Variants in CTNND2 observed in about 807,000 individuals in gnomAD.
The protein encoded by CTNND2 is catenin delta 2.
CTNND2 carries 22 observed loss-of-function variants against 144.4 expected under a neutral mutation model. The observed-to-expected ratio is 0.15, with a 90% CI of 0.11 to 0.22. The LOEUF (loss-of-function observed/expected upper bound fraction) is 0.22, where lower values mean the gene tolerates loss of function less well. Among genes scored for constraint, CTNND2 ranks in the 10% least tolerant of loss-of-function variants. The probability of loss-of-function intolerance (pLI) is 1.00; values close to 1 mark genes in which losing one functional copy is unlikely to be tolerated. For missense variants in CTNND2, 1,353 were observed against 1,618.8 expected (o/e 0.84, Z 2.82); for synonymous variants, 751 against 695.6 (o/e 1.08, Z -1.25).
At chr5:11,862,294 T>C (rs2127028167) in intron 1 of CTNND2, among the ~76,000 whole-genome samples, 1 of 152,332 alleles carries the variant, frequency 6.6e-6, no homozygotes, top group African/African-American at 2.4e-5. Context: ...ATAGAAATTT[T>C]CCATTAAAAT....
chr5:11,869,323 G>C (rs577473050), intron 1 of CTNND2, among the ~76,000 whole-genome samples: 1 of 152,178 alleles, frequency 6.6e-6, no homozygotes, highest in Non-Finnish European at 1.5e-5. Flanking sequence ...AAAGCAACTC[G>C]AATGTCAATT....
intron 21 of CTNND2, among the ~76,000 whole-genome samples, chr5:10,975,343 T>C (rs566924919): frequency 1.3e-5 from 2 of 152,176 alleles, no homozygotes; most frequent in South Asian, 4.1e-4. Flanking sequence ...GGGCACCCTA[T>C]TCAACATTTA....
intron 3 of CTNND2, among the ~76,000 whole-genome samples, chr5:11,477,572 T>C (rs997750573): frequency 6.6e-6 from 1 of 152,006 alleles, no homozygotes; most frequent in Non-Finnish European, 1.5e-5. Context: ...CCACAACACC[T>C]GGCTAATTTT....
chr5:11,177,668 T>A (rs1333175079), intron 11 of CTNND2, among the ~76,000 whole-genome samples: 1 of 152,152 alleles, frequency 6.6e-6, no homozygotes, highest in African/African-American at 2.4e-5. Context: ...GATAATTAGA[T>A]CTACAAAATG....
intron 1 of CTNND2, among the ~76,000 whole-genome samples, chr5:11,843,198 A>G (rs982000928): frequency 7.9e-5 from 12 of 152,362 alleles, no homozygotes; most frequent in African/African-American, 2.9e-4. Context: ...AAAATAAAAC[A>G]AGAAAACCAA....
intron 2 of CTNND2, among the ~76,000 whole-genome samples, chr5:11,584,095 C>T (rs184447922): frequency 5.9e-5 from 9 of 152,296 alleles, no homozygotes; most frequent in Admixed American, 5.2e-4. Flanking sequence ...TATAGTATCT[C>T]TTGAAGAGAT....
intron 9 of CTNND2, among the ~76,000 whole-genome samples, chr5:11,268,063 A>G (rs1043871201): frequency 1.1e-4 from 17 of 152,240 alleles, no homozygotes; most frequent in Admixed American, 8.5e-4. Context: ...GATTCTACCA[A>G]TGGTTGAAGA....
At chr5:11,124,286 C>G (rs56387580) in intron 12 of CTNND2, among the ~76,000 whole-genome samples, 1 of 151,914 alleles carries the variant, frequency 6.6e-6, no homozygotes, top group Non-Finnish European at 1.5e-5. Flanking sequence ...ATTAATTACA[C>G]GTAAAAATGC....
intron 9 of CTNND2, among the ~76,000 whole-genome samples, chr5:11,290,304 A>T (rs1748194197): frequency 6.6e-6 from 1 of 152,214 alleles, no homozygotes; most frequent in Non-Finnish European, 1.5e-5. Context: ...GTTTTTAATT[A>T]TGCTTATAAC....
chr5:11,741,497 T>C (rs1788004934), intron 1 of CTNND2, among the ~76,000 whole-genome samples: 2 of 151,696 alleles, frequency 1.3e-5, no homozygotes, highest in African/African-American at 4.8e-5. Flanking sequence ...ATGTTCTCAC[T>C]CACAGGTGGG....
chr5:11,101,884 C>CGTGTGTGTGTGTGT (rs1561304077), intron 14 of CTNND2, among the ~76,000 whole-genome samples: 13 of 88,590 alleles, frequency 1.5e-4, no homozygotes, highest in African/African-American at 6.5e-4. Context: ...ATGACGACCA[C>CGTGTGTGTGTGTGT]ATATGTGTGT....
chr5:11,430,717 C>T lies in CTNND2; in HGVS notation c.288-18648G>A, dbSNP rs114374846. Among the ~76,000 whole-genome samples, 1,248 of 152,282 alleles carry T rather than the reference C, an allele frequency of 8.2e-3. 10 individuals are homozygous for T. Among genetic ancestry groups the T allele is most frequent in the Admixed American group, 0.013 (193 of 15,306 alleles). On this transcript the variant is annotated intron_variant, in intron 3 of 21. Coordinates refer to ENST00000304623, the MANE Select transcript of CTNND2 (RefSeq NM_001332.4). ...CGTGTATACACATTCACATCACCAC[C>T]ACCAACATTATTCCTTTTGCCTTAC...
chr5:10,973,749 G>A lies in CTNND2; in HGVS notation c.3418-36C>T, dbSNP rs1259510704. 1.3e-6 allele frequency: 2 copies of A among 1,550,208 alleles called. No homozygotes were observed. The highest frequency in any genetic ancestry group is 8.7e-7 in the Non-Finnish European group (1 of 1,149,432). ...AAGAAGAGCCACACTGGGTTACTTG[G>A]TTTCCCTTGACTCAGCCTGCCTCTT... On this transcript the variant is annotated intron_variant, in intron 21 of 21. Transcript: ENST00000304623. The surrounding 1 kb of genome is among the most constrained non-coding windows in gnomAD (Gnocchi z 5.6).
intron 5 of CTNND2, among the ~76,000 whole-genome samples, chr5:11,407,057 T>C (rs191274618): frequency 6.6e-6 from 1 of 152,348 alleles, no homozygotes; most frequent in East Asian, 1.9e-4. Context: ...GACAACATTT[T>C]TGTGAATCAC....
chr5:11,019,984 C>T (rs1301782335), intron 17 of CTNND2, among the ~76,000 whole-genome samples: 1 of 152,128 alleles, frequency 6.6e-6, no homozygotes, highest in Non-Finnish European at 1.5e-5. Context: ...TATAAGACTA[C>T]TATAAGAGTT....
intron 9 of CTNND2, among the ~76,000 whole-genome samples, chr5:11,308,239 A>T (rs1750456838): frequency 6.9e-6 from 1 of 144,310 alleles, no homozygotes; most frequent in South Asian, 2.1e-4. Context: ...TTTTTTTTTT[A>T]AAGCAAGCTA....
intron 9 of CTNND2, among the ~76,000 whole-genome samples, chr5:11,238,844 T>C (rs1005442926): frequency 6.6e-6 from 1 of 152,218 alleles, no homozygotes; most frequent in African/African-American, 2.4e-5. Context: ...GAACAAACTA[T>C]TGAATCCTTC....
intron 3 of CTNND2, among the ~76,000 whole-genome samples, chr5:11,525,048 A>G (rs1773108103): frequency 6.6e-6 from 1 of 152,234 alleles, no homozygotes; most frequent in Non-Finnish European, 1.5e-5. Flanking sequence ...CTGTCTGAAG[A>G]AGCCGAAAGT....
At chr5:11,637,980 G>A (rs919749658) in intron 2 of CTNND2, among the ~76,000 whole-genome samples, 8 of 152,034 alleles carry the variant, frequency 5.3e-5, no homozygotes, top group African/African-American at 1.2e-4. Flanking sequence ...GTAAAGAACC[G>A]GTCTCTAAAG....
Sources: gnomAD v4.1 joint callset for allele counts (sites outside exome capture counted in the v4.1 genomes callset) on GRCh38, gnomAD v4.1.1 for gene constraint, Gnocchi (gnomAD v3.1) non-coding constraint, MANE v1.5 for transcripts, NCBI Gene and HGNC (gene_info 2026-07-23, HGNC 2026-07-21) for gene names.